RNF34: variants seen among roughly 807,000 people sequenced by gnomAD.
RNF34 encodes the protein ring finger protein 34.
A neutral mutation model predicts 37.9 loss-of-function variants in RNF34; 12 were observed. That is an observed-to-expected ratio of 0.32 (90% CI 0.20 to 0.51). The LOEUF is 0.51. Among genes scored for constraint, RNF34 ranks in the 20% least tolerant of loss-of-function variants. RNF34 has a pLI of 0.97. For missense variants in RNF34, 362 were observed against 472.7 expected, an observed-to-expected ratio of 0.77 and a Z score of 2.17; for synonymous variants, 155 against 177.2, an observed-to-expected ratio of 0.87 and a Z score of 1.00.
chr12:121,421,132 C>T (rs560698486), intron 5 of RNF34, among the ~76,000 whole-genome samples: 1 of 152,210 alleles, frequency 6.6e-6, no homozygotes, highest in African/African-American at 2.4e-5. Flanking sequence ...GTTCTCTCAA[C>T]TTTTAAATCT....
rs963390964 is a variant in RNF34, at chr12:121,417,001, T to A, written c.226-503T>A. Reference sequence around the variant, plus strand: ...CTTTAAGCTTCTCTAGTGGCAAGGCTTTGATTGTGATTAGGCTGTGTAGTT... The same window carrying A: ...CTTTAAGCTTCTCTAGTGGCAAGGCATTGATTGTGATTAGGCTGTGTAGTT... On this transcript the variant is annotated intron_variant, in intron 2 of 5. Coordinates refer to ENST00000361234, the MANE Select transcript of RNF34 (RefSeq NM_025126.4). This position sits in a 1 kb window ranked among gnomAD's most constrained non-coding sequence, Gnocchi z 5.0. Among the ~76,000 whole-genome samples the A allele has an allele frequency of 1.3e-5, 2 of 152,226 alleles. No individual in the cohort carries two copies. Among genetic ancestry groups the A allele is most frequent in the Non-Finnish European group, 2.9e-5 (2 of 68,044 alleles).
intron 1 of RNF34, among the ~76,000 whole-genome samples, chr12:121,406,269 T>C (rs544151049): frequency 1.1e-5 from 1 of 89,204 alleles, no homozygotes; most frequent in Non-Finnish European, 2.3e-5. Flanking sequence ...TGATTTCTTA[T>C]TATGGAATGT....
intron 1 of RNF34, 147 bp from the exon 2 acceptor site, chr12:121,416,012 T>G (rs1245171484): frequency 1.6e-6 from 1 of 616,224 alleles, no homozygotes; most frequent in African/African-American, 1.8e-5. Context: ...TCTTTCCAAA[T>G]GGCTTGAAAT....
chr12:121,412,645 A>C (rs79716797), intron 1 of RNF34, among the ~76,000 whole-genome samples: 28,944 of 150,888 alleles, frequency 0.19, 4,272 homozygotes, highest in African/African-American at 0.41. Flanking sequence ...TCCCAAAGTG[A>C]TGAGATTACA....
At chr12:121,420,367 C>T (rs913462391) in intron 4 of RNF34, 33 bp downstream of exon 4, 2 of 1,554,720 alleles carry the variant, frequency 1.3e-6, no homozygotes, top group Non-Finnish European at 1.7e-6. Context: ...GTTTCCCTGA[C>T]ATGTCAGCCT....
rs782225104 is a variant in RNF34 at position 121,404,387 on chromosome 12, C to CTTTTTTTT, written c.6+4187_6+4194dup. On this transcript the variant is annotated intron_variant, in intron 1 of 5. Transcript: ENST00000361234. Reference sequence around the variant, plus strand: ...CTCTTGTGTCTGGCTGTCATTTAATCTTTTTTTTTTTTTTTTTTTTTTTTT... The same window carrying CTTTTTTTT: ...CTCTTGTGTCTGGCTGTCATTTAATCTTTTTTTTTTTTTTTTTTTTTTTTTTTTTTTTT... Among the ~76,000 whole-genome samples the CTTTTTTTT allele has an allele frequency of 2.6e-3, 170 of 65,842 alleles. 2 individuals are homozygous for CTTTTTTTT. Among genetic ancestry groups the CTTTTTTTT allele is most frequent in the Non-Finnish European group, 2.9e-3 (119 of 41,576 alleles). The allele number at this position is 65,842 out of a possible 152,430, so 43.2% of individuals were successfully genotyped here.
chr12:121,401,354 C>CAAAAAAAAAA (rs563285897), intron 1 of RNF34, among the ~76,000 whole-genome samples: 14,615 of 75,660 alleles, frequency 0.19, 1,965 homozygotes, highest in Non-Finnish European at 0.28. Context: ...CTATAGGTAT[C>CAAAAAAAAAA]AAAAAAAAAA....
intron 1 of RNF34, 71 bp downstream of exon 1, chr12:121,400,289 C>G (rs1555279839): frequency 1.9e-6 from 3 of 1,552,038 alleles, no homozygotes; most frequent in African/African-American, 1.4e-5. Context: ...GAAGCGCCTC[C>G]TTTCTTTCCG....
chr12:121,413,236 A>T (rs1237648835), intron 1 of RNF34, among the ~76,000 whole-genome samples: 13 of 151,028 alleles, frequency 8.6e-5, no homozygotes, highest in Non-Finnish European at 1.9e-4. Flanking sequence ...CATGTTGTCC[A>T]GGCTGTTCTT....
chr12:121,422,454 C>T (rs146001775), intron 5 of RNF34, among the ~76,000 whole-genome samples: 1,768 of 152,344 alleles, frequency 0.012, 19 homozygotes, highest in Non-Finnish European at 0.015. Flanking sequence ...CTAGTGCCTT[C>T]TCCATTGGCA....
rs782208714 is a variant in RNF34, at chr12:121,400,206, C to T, written c.-7C>T. ...GTAGAGCCGGCCGAGCTGAGGCGGT[C>T]GCGGCCATGAAGGTGAGGGGCCGGT... On this transcript the variant is annotated 5_prime_UTR_variant, in exon 1 of 6. Coordinates refer to ENST00000361234, the MANE Select transcript of RNF34 (RefSeq NM_025126.4). The T allele has an allele frequency of 3.1e-6, 5 of 1,609,244 alleles. No individual in the cohort carries two copies. In the African/African-American group the frequency reaches 6.7e-5, roughly 21 times the overall value.
intron 1 of RNF34, among the ~76,000 whole-genome samples, chr12:121,411,548 A>G (rs1871062028): frequency 6.6e-6 from 1 of 152,204 alleles, no homozygotes; most frequent in African/African-American, 2.4e-5. Flanking sequence ...AAAGGTCATA[A>G]TCTCTGACAG....
In RNF34 at chr12:121,423,838, G is replaced by T; in HGVS notation, c.*262G>T. 1 of 406,030 alleles carries T rather than the reference G, an allele frequency of 2.5e-6. No homozygotes were observed. The highest frequency in any genetic ancestry group is 4.5e-6 in the Non-Finnish European group (1 of 223,474). 25.2% of individuals were successfully genotyped at this position (406,030 alleles called of 1,614,324 possible). Reference sequence around the variant, plus strand: ...CGTGAACACTCATTGAAGTCAGCCTGTTTGCGCCATGTGGGCATCAGCCAC... The same window carrying T: ...CGTGAACACTCATTGAAGTCAGCCTTTTTGCGCCATGTGGGCATCAGCCAC... On this transcript the variant is annotated 3_prime_UTR_variant, in exon 6 of 6. Transcript: ENST00000361234. The surrounding 1 kb of genome is among the most constrained non-coding windows in gnomAD (Gnocchi z 4.3).
chr12:121,402,690 G>T, intron 1 of RNF34: 1 of 1,174,008 alleles, frequency 8.5e-7, no homozygotes, highest in South Asian at 1.4e-5. Flanking sequence ...AGATATCAAG[G>T]AGAAAGTAAT....
intron 5 of RNF34, 29 bp downstream of exon 5, chr12:121,420,807 T>C (rs781992788): frequency 1.2e-5 from 18 of 1,559,514 alleles, no homozygotes; most frequent in Admixed American, 1.7e-5. Context: ...TTTTTCCCTG[T>C]AGTATTTTTC....
intron 1 of RNF34, among the ~76,000 whole-genome samples, chr12:121,410,584 T>C (rs1456295680): frequency 6.6e-6 from 1 of 152,056 alleles, no homozygotes; most frequent in East Asian, 1.9e-4. Context: ...AAAAAAATAC[T>C]TCAAATATAC....
At chr12:121,403,289 T>A (rs942136113) in intron 1 of RNF34, among the ~76,000 whole-genome samples, 1 of 151,026 alleles carries the variant, frequency 6.6e-6, no homozygotes, top group Non-Finnish European at 1.5e-5. Context: ...CCAGCTACTC[T>A]GGAGGCTGAG....
chr12:121,401,354 CAAAAAAAA>C (rs563285897), intron 1 of RNF34, among the ~76,000 whole-genome samples: 1 of 76,798 alleles, frequency 1.3e-5, no homozygotes, highest in South Asian at 5.3e-4. Context: ...CTATAGGTAT[CAAAAAAAA>C]AAAAAAAAAA....
chr12:121,412,758 TGTGTCACCCAGGCTGGA>T (rs1871205719), intron 1 of RNF34, among the ~76,000 whole-genome samples: 2 of 148,146 alleles, frequency 1.4e-5, no homozygotes, highest in Non-Finnish European at 3.0e-5. Context: ...GGAGTCTCGC[TGTGTCACCCAGGCTGGA>T]GTGCAGTGGC....
Sources: allele counts gnomAD v4.1 joint callset (sites outside exome capture counted in the v4.1 genomes callset), GRCh38; gene constraint gnomAD v4.1.1; non-coding constraint Gnocchi (gnomAD v3.1); transcripts MANE v1.5; gene names NCBI Gene and HGNC (gene_info 2026-07-23, HGNC 2026-07-21).